ELAPOR2: variants seen among roughly 807,000 people sequenced by gnomAD.
ELAPOR2 encodes the protein endosome-lysosome associated apoptosis and autophagy regulator family member 2.
In ELAPOR2, 89 loss-of-function variants were observed where a neutral mutation model predicts 120.7. The ratio of observed to expected loss-of-function variants is 0.74; its 90% CI spans 0.62 to 0.88. ELAPOR2 has a LOEUF of 0.88. ELAPOR2 is among the 40% of genes least tolerant of loss of function. ELAPOR2 has a pLI of 0.00. For missense variants in ELAPOR2, 1,134 were observed against 1,251.6 expected, an observed-to-expected ratio of 0.91 and a Z score of 1.42; for synonymous variants, 444 against 444.9, an observed-to-expected ratio of 1.00 and a Z score of 0.03.
chr7:86,940,662 T>C (rs1388297067), intron 5 of ELAPOR2, among the ~76,000 whole-genome samples: 1 of 152,120 alleles, frequency 6.6e-6, no homozygotes, highest in Non-Finnish European at 1.5e-5. Flanking sequence ...TTGGTTTCCT[T>C]TGCTACTGGA....
intron 1 of ELAPOR2, among the ~76,000 whole-genome samples, chr7:86,998,094 G>C (rs1407745046): frequency 2.0e-5 from 3 of 152,070 alleles, no homozygotes; most frequent in African/African-American, 7.2e-5. Context: ...AAAAAGTACT[G>C]TTTCCTTGTA....
chr7:86,994,499 C>T (rs1793058894), intron 1 of ELAPOR2, among the ~76,000 whole-genome samples: 1 of 152,162 alleles, frequency 6.6e-6, no homozygotes, highest in Non-Finnish European at 1.5e-5. Flanking sequence ...AACACATATA[C>T]TTTTTAAAAA....
intron 1 of ELAPOR2, among the ~76,000 whole-genome samples, chr7:87,003,842 C>G (rs1373941674): frequency 6.6e-6 from 1 of 152,136 alleles, no homozygotes; most frequent in Non-Finnish European, 1.5e-5. Flanking sequence ...ATTTTCCCAA[C>G]AATGCAAAGA....
intron 18 of ELAPOR2, among the ~76,000 whole-genome samples, chr7:86,904,289 C>T (rs1046005117): frequency 1.3e-5 from 2 of 152,122 alleles, no homozygotes; most frequent in Non-Finnish European, 2.9e-5. Flanking sequence ...GGACACAATG[C>T]TTAGGTCTAA....
intron 1 of ELAPOR2, among the ~76,000 whole-genome samples, chr7:86,993,234 C>CAAAAAAAAA (rs1159917841): frequency 0.2 from 11,067 of 55,654 alleles, 759 homozygotes; most frequent in Non-Finnish European, 0.25. Flanking sequence ...GACTCCATCT[C>CAAAAAAAAA]AAAAAAAAAA....
At chr7:87,040,902 A>G (rs1794763709) in intron 1 of ELAPOR2, among the ~76,000 whole-genome samples, 1 of 152,030 alleles carries the variant, frequency 6.6e-6, no homozygotes, top group Non-Finnish European at 1.5e-5. Flanking sequence ...AATAACCAAT[A>G]CAGAGAAGTG....
chr7:86,958,230 T>G (rs1010521410), intron 2 of ELAPOR2, among the ~76,000 whole-genome samples: 1 of 152,138 alleles, frequency 6.6e-6, no homozygotes, highest in African/African-American at 2.4e-5. Flanking sequence ...TGTTTTAGTT[T>G]CCTAATCTGC....
chr7:86,889,386 C>T (rs1313340089), intron 21 of ELAPOR2, among the ~76,000 whole-genome samples: 7 of 151,462 alleles, frequency 4.6e-5, no homozygotes, highest in African/African-American at 1.7e-4. Context: ...CCACCCTATT[C>T]CCAGGGGATA....
chr7:86,923,600 C>G (rs1252502873), intron 10 of ELAPOR2, among the ~76,000 whole-genome samples: 1 of 152,010 alleles, frequency 6.6e-6, no homozygotes, highest in Non-Finnish European at 1.5e-5. Flanking sequence ...TTACATCACA[C>G]TGTTTCCTTG....
chr7:87,018,286 G>A (rs759761154), intron 1 of ELAPOR2, among the ~76,000 whole-genome samples: 5 of 151,924 alleles, frequency 3.3e-5, no homozygotes, highest in African/African-American at 4.8e-5. Flanking sequence ...TGATCTACCC[G>A]CCTAGTCATC....
At chr7:86,935,102 G>C (rs1253297671) in intron 8 of ELAPOR2, among the ~76,000 whole-genome samples, 1 of 151,914 alleles carries the variant, frequency 6.6e-6, no homozygotes, top group East Asian at 1.9e-4. Context: ...CTGCCAAAGG[G>C]ATCTATATGA....
At chr7:87,042,851 G>C (rs1351802575) in intron 1 of ELAPOR2, among the ~76,000 whole-genome samples, 1 of 151,988 alleles carries the variant, frequency 6.6e-6, no homozygotes, top group Non-Finnish European at 1.5e-5. Flanking sequence ...CAACAAAATT[G>C]AATGACCACT....
chr7:87,047,773 C>G (rs1032558833), intron 1 of ELAPOR2, among the ~76,000 whole-genome samples: 4 of 152,168 alleles, frequency 2.6e-5, no homozygotes, highest in Non-Finnish European at 5.9e-5. Context: ...TGTTTCCTCA[C>G]AAAACTAAAA....
intron 18 of ELAPOR2, among the ~76,000 whole-genome samples, chr7:86,904,907 GCAC>G (rs1788898513): frequency 1.3e-5 from 2 of 152,032 alleles, no homozygotes; most frequent in Non-Finnish European, 2.9e-5. Context: ...CATTCCTTCT[GCAC>G]TACCAAAGTC....
chr7:86,907,669 C>T lies in ELAPOR2; in HGVS notation c.2558+1G>A, dbSNP rs779556970. 1 of 1,554,502 alleles carries T rather than the reference C, an allele frequency of 6.4e-7. No individual in the cohort carries two copies. Among genetic ancestry groups the T allele is most frequent in the Non-Finnish European group, 8.7e-7 (1 of 1,151,234 alleles). On this transcript the variant is annotated splice_donor_variant, in intron 18 of 21. Coordinates refer to ENST00000450689, the MANE Select transcript of ELAPOR2 (RefSeq NM_001142749.3). LOFTEE classifies it high-confidence loss of function. ...CACAAATCATATGGAAATAAGGATA[C>T]CTGGGGACTGAAATCACTCCTGCTC...
At chr7:86,937,550 T>C (rs1412215383) in intron 8 of ELAPOR2, among the ~76,000 whole-genome samples, 1 of 152,128 alleles carries the variant, frequency 6.6e-6, no homozygotes, top group Non-Finnish European at 1.5e-5. Context: ...CCTCTGGCTA[T>C]GTGCCATTTA....
chr7:86,894,381 A>G (rs1788337831), intron 19 of ELAPOR2, among the ~76,000 whole-genome samples: 1 of 152,102 alleles, frequency 6.6e-6, no homozygotes, highest in Non-Finnish European at 1.5e-5. Flanking sequence ...ATGACAATAC[A>G]GAGAGAAACA....
At chr7:86,932,600 T>A (rs1373434748) in intron 8 of ELAPOR2, among the ~76,000 whole-genome samples, 1 of 151,942 alleles carries the variant, frequency 6.6e-6, no homozygotes, top group Non-Finnish European at 1.5e-5. Flanking sequence ...AACAACCTTT[T>A]CTCCACTCCC....
intron 2 of ELAPOR2, 27 bp from the exon 3 acceptor site, chr7:86,947,949 A>T (rs1791074711): frequency 3.4e-6 from 5 of 1,480,186 alleles, no homozygotes; most frequent in Non-Finnish European, 4.6e-6. Context: ...TGGACAACCC[A>T]TTACTTACCC....
Sources: gnomAD v4.1 joint callset for allele counts (sites outside exome capture counted in the v4.1 genomes callset) on GRCh38, gnomAD v4.1.1 for gene constraint, MANE v1.5 for transcripts, NCBI Gene and HGNC (gene_info 2026-07-23, HGNC 2026-07-21) for gene names.